The following RNF180 variants were observed in gnomAD, a reference collection of about 807,000 sequenced individuals.
RNF180 encodes the protein ring finger protein 180.
In RNF180, 38 loss-of-function variants were observed where a neutral mutation model predicts 59.2. That is an observed-to-expected ratio of 0.64 (90% confidence interval 0.50 to 0.84). RNF180 has a LOEUF of 0.84. RNF180 is among the 40% of genes least tolerant of loss of function. The pLI is 0.00. For synonymous variants in RNF180, 262 were observed against 240.3 expected (o/e 1.09, Z -0.84); for missense variants, 705 against 700.9 (o/e 1.01, Z -0.07).
chr5:64,286,419 A>G (rs1742287224), intron 5 of RNF180, among the ~76,000 whole-genome samples: 1 of 152,224 alleles, frequency 6.6e-6, no homozygotes, highest in Non-Finnish European at 1.5e-5. Flanking sequence ...CAGGCTATAA[A>G]AGCCCAAACC....
At chr5:64,244,439 G>A (rs979203408) in intron 5 of RNF180, among the ~76,000 whole-genome samples, 16 of 151,874 alleles carry the variant, frequency 1.1e-4, no homozygotes, top group African/African-American at 3.9e-4. Context: ...AGTTTGTGAA[G>A]CATACACAAG....
intron 5 of RNF180, among the ~76,000 whole-genome samples, chr5:64,268,291 C>T (rs1744804337): frequency 6.6e-6 from 1 of 152,072 alleles, no homozygotes; most frequent in East Asian, 1.9e-4. Flanking sequence ...ATAGTAACTA[C>T]ATTACTACAA....
intron 5 of RNF180, among the ~76,000 whole-genome samples, chr5:64,232,739 A>G (rs1348721767): frequency 1.3e-5 from 2 of 152,252 alleles, no homozygotes; most frequent in Admixed American, 6.5e-5. Flanking sequence ...AGCAGTAGTA[A>G]CAAAAACAAT....
chr5:64,193,476 T>A (rs1345855422), intron 1 of RNF180, among the ~76,000 whole-genome samples: 2 of 152,234 alleles, frequency 1.3e-5, no homozygotes, highest in Admixed American at 6.5e-5. Context: ...TTAAAAAAAA[T>A]TAACATCAGT....
chr5:64,308,520 CA>C (rs1313253857), intron 5 of RNF180, among the ~76,000 whole-genome samples: 5 of 151,646 alleles, frequency 3.3e-5, no homozygotes. Context: ...AAAGTGTAGC[CA>C]GGGGCTTGGA....
At chr5:64,364,335 G>A (rs1040247950) in intron 7 of RNF180, among the ~76,000 whole-genome samples, 1 of 151,108 alleles carries the variant, frequency 6.6e-6, no homozygotes, top group African/African-American at 2.4e-5. Context: ...TTGAGATGAT[G>A]GTTATTGTCT....
chr5:64,341,218 T>C (rs1397009153), intron 7 of RNF180, among the ~76,000 whole-genome samples: 1 of 152,164 alleles, frequency 6.6e-6, no homozygotes, highest in East Asian at 1.9e-4. Flanking sequence ...GGCCACATAG[T>C]CCTGACCTTG....
intron 1 of RNF180, among the ~76,000 whole-genome samples, chr5:64,187,459 A>G (rs1489743398): frequency 6.6e-6 from 1 of 152,182 alleles, no homozygotes; most frequent in Admixed American, 6.5e-5. Context: ...CATTTAAACT[A>G]TTGAAGTTGA....
At chr5:64,354,101 G>A (rs1292258024) in intron 7 of RNF180, among the ~76,000 whole-genome samples, 2 of 151,058 alleles carry the variant, frequency 1.3e-5, no homozygotes, top group Non-Finnish European at 3.0e-5. Context: ...GCTAGCAGAA[G>A]GAAGGAAATA....
Position 64,369,832 on chromosome 5 carries a change from A to G in RNF180, c.*18A>G. Reference sequence around the variant, plus strand: ...CGTTTTAGGAATTTCATACCTTACTACAATTGACCAATCATAAATGATGTA... The same window carrying G: ...CGTTTTAGGAATTTCATACCTTACTGCAATTGACCAATCATAAATGATGTA... On this transcript the variant is annotated 3_prime_UTR_variant, in exon 8 of 8. Coordinates refer to ENST00000389100, the MANE Select transcript of RNF180 (RefSeq NM_001113561.2). 9 of 1,304,140 alleles carry G rather than the reference A, an allele frequency of 6.9e-6. No individual in the cohort carries two copies. The highest frequency in any genetic ancestry group is 8.2e-6 in the Non-Finnish European group (8 of 980,936). The allele number at this position is 1,304,140 out of a possible 1,614,324, so 80.8% of individuals were successfully genotyped here.
intron 5 of RNF180, among the ~76,000 whole-genome samples, chr5:64,301,900 G>T (rs911863994): frequency 1.3e-5 from 2 of 151,564 alleles, no homozygotes; most frequent in Non-Finnish European, 3.0e-5. Context: ...AGCAAAGTGT[G>T]ATTCTTTTAC....
chr5:64,298,311 T>C (rs1321893787), intron 5 of RNF180, among the ~76,000 whole-genome samples: 1 of 152,082 alleles, frequency 6.6e-6, no homozygotes, highest in Non-Finnish European at 1.5e-5. Flanking sequence ...GCAGTAAACA[T>C]GCCCATGCCT....
At chr5:64,365,709 T>C (rs1746422302) in intron 7 of RNF180, among the ~76,000 whole-genome samples, 1 of 151,670 alleles carries the variant, frequency 6.6e-6, no homozygotes, top group South Asian at 2.1e-4. Flanking sequence ...CTTATGGAAT[T>C]GAACTCTTTA....
At chr5:64,197,927 A>G (rs1407615304) in intron 1 of RNF180, among the ~76,000 whole-genome samples, 1 of 152,174 alleles carries the variant, frequency 6.6e-6, no homozygotes, top group Non-Finnish European at 1.5e-5. Flanking sequence ...AAGTAAATTC[A>G]AGGTGTTCCT....
chr5:64,236,182 A>G (rs947626945), intron 5 of RNF180, among the ~76,000 whole-genome samples: 5 of 152,236 alleles, frequency 3.3e-5, no homozygotes, highest in African/African-American at 1.2e-4. Context: ...TGATAGTTAT[A>G]TGGACAGTGA....
intron 6 of RNF180, among the ~76,000 whole-genome samples, chr5:64,326,074 A>C (rs985935044): frequency 6.6e-6 from 1 of 152,294 alleles, no homozygotes; most frequent in Middle Eastern, 3.4e-3. Context: ...TTCTATCTTC[A>C]CATTCTCCTC....
chr5:64,253,023 G>C (rs1414113569), intron 5 of RNF180, among the ~76,000 whole-genome samples: 1 of 151,958 alleles, frequency 6.6e-6, no homozygotes, highest in Non-Finnish European at 1.5e-5. Flanking sequence ...AAAGATACAA[G>C]GAGAGAATCC....
chr5:64,348,018 G>A (rs960444479), intron 7 of RNF180, among the ~76,000 whole-genome samples: 13 of 151,946 alleles, frequency 8.6e-5, no homozygotes, highest in Non-Finnish European at 1.9e-4. Context: ...AATAATAAAG[G>A]TGCTACTCCA....
intron 4 of RNF180, among the ~76,000 whole-genome samples, chr5:64,216,649 A>G (rs1487909735): frequency 6.6e-6 from 1 of 152,180 alleles, no homozygotes; most frequent in Non-Finnish European, 1.5e-5. Context: ...CAGTACAGAA[A>G]GTTATTTAAA....
Sources: gnomAD v4.1 joint callset for allele counts (sites outside exome capture counted in the v4.1 genomes callset) on GRCh38, gnomAD v4.1.1 for gene constraint, MANE v1.5 for transcripts, NCBI Gene and HGNC (gene_info 2026-07-23, HGNC 2026-07-21) for gene names.